The following CR1 variants were observed in gnomAD, a reference collection of about 807,000 sequenced individuals.
The protein encoded by CR1 is complement receptor type 1.
Under a neutral mutation model 187.3 loss-of-function variants are expected in CR1, and 116 were observed. The ratio of observed to expected loss-of-function variants is 0.62; its 90% CI spans 0.53 to 0.72. The LOEUF is 0.72. Among genes scored for constraint, CR1 ranks in the 30% least tolerant of loss-of-function variants. The pLI, the probability that CR1 is intolerant of heterozygous loss-of-function variation, is 0.00. For synonymous variants in CR1, 576 were observed against 747.1 expected (o/e 0.77, Z 3.73); for missense variants, 1,731 against 2,110.7 (o/e 0.82, Z 3.52).
intron 3 of CR1, among the ~76,000 whole-genome samples, chr1:207,509,142 G>T (rs566411589): frequency 6.6e-6 from 1 of 152,264 alleles, no homozygotes; most frequent in Admixed American, 6.5e-5. Flanking sequence ...AAGGCACATA[G>T]ATTAAGAAGG....
rs752485037 is a variant in CR1 at position 207,577,898 on chromosome 1, G to A, written c.4631G>A (p.Arg1544His). ...CACTATGGATCAGTGGTGACCTACCGCTGCAATCTTGGAAGCAGAGGGAGA... is the reference window on the plus strand; with the variant it reads ...CACTATGGATCAGTGGTGACCTACCACTGCAATCTTGGAAGCAGAGGGAGA... ...NFHYGSVVTY[R>H]CNLGSRGRKV... Residue 1544 changes from arginine (R) to histidine (H), a missense_variant, in exon 29 of 47, where the codon CGC becomes CAC. Transcript: ENST00000367049. The A allele has an allele frequency of 7.2e-5, 116 of 1,613,160 alleles. No individual in the cohort carries two copies. Among genetic ancestry groups the A allele is most frequent in the Middle Eastern group, 1.8e-4 (1 of 5,636 alleles).
intron 29 of CR1, among the ~76,000 whole-genome samples, chr1:207,578,842 C>G (rs1421296245): frequency 6.6e-6 from 1 of 152,198 alleles, no homozygotes; most frequent in Admixed American, 6.5e-5. Flanking sequence ...TGGTCTGCCT[C>G]CTACATTTTA....
chr1:207,602,115 C>T (rs1302919818), intron 35 of CR1, among the ~76,000 whole-genome samples: 1 of 152,036 alleles, frequency 6.6e-6, no homozygotes, highest in Non-Finnish European at 1.5e-5. Flanking sequence ...AGGAATTGGG[C>T]TCCATCACTT....
chr1:207,636,281 C>T (rs1043700389), intron 46 of CR1, among the ~76,000 whole-genome samples: 3 of 152,188 alleles, frequency 2.0e-5, no homozygotes, highest in African/African-American at 7.2e-5. Context: ...GCAACTCCTG[C>T]GATTGCCTCA....
intron 41 of CR1, among the ~76,000 whole-genome samples, chr1:207,617,610 TATAGAGAGAGAGAGAG>T (rs796785583): frequency 5.3e-3 from 49 of 9,312 alleles, no homozygotes; most frequent in Admixed American, 0.033. Flanking sequence ...TATATATATA[TATAGAGAGAGAGAGAG>T]AGAGAGAGAG....
Position 207,505,903 on chromosome 1 carries a change from G to C in CR1, c.122-1G>C. ...GATGCTTCTATGGTCTTGATCTCCA[G>C]GTCAATGCAATGCCCCAGAATGGCT... On this transcript the variant is annotated splice_acceptor_variant, in intron 1 of 46. Transcript: ENST00000367049. LOFTEE classifies it high-confidence loss of function. 6.2e-7 allele frequency: 1 copy of C among 1,612,634 alleles called. No individual in the cohort carries two copies. The highest frequency in any genetic ancestry group is 8.5e-7 in the Non-Finnish European group (1 of 1,179,222).
intron 46 of CR1, among the ~76,000 whole-genome samples, chr1:207,636,688 G>A (rs1405860950): frequency 2.6e-5 from 4 of 152,184 alleles, no homozygotes; most frequent in African/African-American, 9.7e-5. Context: ...AGCTGTGACT[G>A]CAATTAATCC....
rs1226224200 is a variant in CR1, at chr1:207,565,771, T to A, written c.3867-67T>A. 5 of 1,601,104 alleles carry A rather than the reference T, an allele frequency of 3.1e-6. No individual in the cohort carries two copies. In the East Asian group the frequency reaches 6.7e-5, roughly 21 times the overall value. On this transcript the variant is annotated intron_variant, in intron 23 of 46. Transcript: ENST00000367049. ...AAAATCCTGAAATTGGGGCTGGGCCTTAGATTGTGAACTAAGTGTCCTCTT... is the reference window on the plus strand; with the variant it reads ...AAAATCCTGAAATTGGGGCTGGGCCATAGATTGTGAACTAAGTGTCCTCTT...
At position 207,611,859 on chromosome 1, in the gene CR1, T is replaced by G; in HGVS notation, c.6472+6T>G. The G allele has an allele frequency of 6.2e-7, 1 of 1,613,732 alleles. No individual in the cohort carries two copies. Among genetic ancestry groups the G allele is most frequent in the Non-Finnish European group, 8.5e-7 (1 of 1,179,828 alleles). ...TGAAGCCCCTAGATGTACAGGTGCC[T>G]TGACTCTCTGGCTTCCAGATTGCTC... On this transcript the variant is annotated splice_donor_region_variant and intron_variant, in intron 38 of 46. Transcript: ENST00000367049.
intron 37 of CR1, among the ~76,000 whole-genome samples, chr1:207,610,828 G>A (rs1661905205): frequency 6.6e-6 from 1 of 152,038 alleles, no homozygotes; most frequent in Non-Finnish European, 1.5e-5. Flanking sequence ...CATAGTAGGT[G>A]TATATATTTA....
intron 5 of CR1, among the ~76,000 whole-genome samples, 181 bp downstream of exon 5, chr1:207,524,190 G>A (rs1384612445): frequency 6.6e-6 from 1 of 152,138 alleles, no homozygotes; most frequent in Non-Finnish European, 1.5e-5. Context: ...AAATTGCGAA[G>A]CAAAGCTCAA....
chr1:207,611,828 G>C lies in CR1; in HGVS notation c.6447G>C (p.Trp2149Cys). The change falls in exon 38 of 47, where the codon TGG becomes TGC. Residue 2149 changes from tryptophan to cysteine, a missense_variant. Physicochemically the swap from Trp to Cys is radical, Grantham distance 215 (BLOSUM62 -2). This residue lies in a region of CR1 where 1,312 missense variants were observed against 1,379.6 expected (regional missense o/e 0.95). Transcript: ENST00000367049. ...ASLHCTPQGDWSPEAPRCTVK... is the reference protein window; with the variant it reads ...ASLHCTPQGDCSPEAPRCTVK... Reference sequence around the variant, plus strand: ...TGCACTGCACGCCCCAGGGAGACTGGAGCCCTGAAGCCCCTAGATGTACAG... The same window carrying C: ...TGCACTGCACGCCCCAGGGAGACTGCAGCCCTGAAGCCCCTAGATGTACAG... 1 of 1,614,018 alleles carries C rather than the reference G, an allele frequency of 6.2e-7. No individual in the cohort carries two copies. The highest frequency in any genetic ancestry group is 2.2e-5 in the East Asian group (1 of 44,876).
At chr1:207,600,034 A>G (rs1220708435) in intron 35 of CR1, among the ~76,000 whole-genome samples, 2 of 152,208 alleles carry the variant, frequency 1.3e-5, no homozygotes, top group Admixed American at 1.3e-4. Context: ...AAAATTTTCA[A>G]TTTTGCAGAC....
chr1:207,620,017 T>G lies in CR1; in HGVS notation c.7204T>G (p.Cys2402Gly), dbSNP rs757755662. ...TCTGGAAGGCAGTCCCTGGAGCCAG[T>G]GCCAGGCGGATGACAGATGGGACCC... is the stretch of plus-strand genomic sequence containing the variant. ...YTLEGSPWSQ[C>G]QADDRWDPPL... Residue 2402 changes from cysteine to glycine, a missense_variant, in exon 43 of 47, where the codon TGC (cysteine) becomes GGC (glycine). Coordinates refer to ENST00000367049, the MANE Select transcript of CR1 (RefSeq NM_000651.6). 6.2e-7 allele frequency: 1 copy of G among 1,613,824 alleles called. No homozygotes were observed. Among genetic ancestry groups the G allele is most frequent in the Non-Finnish European group, 8.5e-7 (1 of 1,179,844 alleles).
chr1:207,587,423 T>C lies in CR1; in HGVS notation c.5568T>C (p.Ser1856=), dbSNP rs1228978576. 3 of 1,613,826 alleles carry C rather than the reference T, an allele frequency of 1.9e-6. No homozygotes were observed. Among genetic ancestry groups the C allele is most frequent in the African/African-American group, 1.3e-5 (1 of 74,948 alleles). The change falls in exon 34 of 47, where the codon AGT becomes AGC. Residue 1856 remains serine (S), a synonymous_variant. Transcript: ENST00000367049. The stretch of plus-strand genomic sequence containing the variant: ...CCCCAGAGCAGTTTCCATTTGCCAG[T>C]CCTACGATCCCAATTAATGACTTTG... ...CKTPEQFPFA[S]PTIPINDFEF... is the part of the protein sequence containing the mutation.
intron 35 of CR1, among the ~76,000 whole-genome samples, chr1:207,598,398 C>T (rs572425317): frequency 6.7e-6 from 1 of 149,594 alleles, no homozygotes; most frequent in African/African-American, 2.5e-5. Context: ...GATACTTGGT[C>T]CAGTGCACAA....
At chr1:207,577,536 G>T (rs901406409) in intron 28 of CR1, among the ~76,000 whole-genome samples, 3 of 152,142 alleles carry the variant, frequency 2.0e-5, no homozygotes, top group Non-Finnish European at 2.9e-5. Flanking sequence ...TTGAAAGGCC[G>T]AGGCAGGCGG....
At chr1:207,498,174 A>G (rs889783855) in intron 1 of CR1, among the ~76,000 whole-genome samples, 1 of 152,220 alleles carries the variant, frequency 6.6e-6, no homozygotes, top group Non-Finnish European at 1.5e-5. Flanking sequence ...TGAAAATCAG[A>G]TGGTGTAATG....
intron 35 of CR1, among the ~76,000 whole-genome samples, chr1:207,593,102 A>AAAAAAAAAC (rs1439487338): frequency 2.0e-5 from 3 of 151,506 alleles, no homozygotes; most frequent in African/African-American, 7.3e-5. Flanking sequence ...AAAAAAAAAA[A>AAAAAAAAAC]ACTACTTTAA....
Sources: gnomAD v4.1 joint callset for allele counts (sites outside exome capture counted in the v4.1 genomes callset) on GRCh38, gnomAD v4.1.1 for gene constraint, gnomAD v4.1.1 regional missense constraint, MANE v1.5 for transcripts, NCBI Gene and HGNC (gene_info 2026-07-23, HGNC 2026-07-21) for gene names.